The following NSMCE1 variants were observed in gnomAD, a reference collection of about 807,000 sequenced individuals.
NSMCE1 encodes NSE1 component of SMC5/6 complex.
A neutral mutation model predicts 29.6 loss-of-function variants in NSMCE1; 18 were observed. The observed-to-expected ratio is 0.61, with a 90% CI of 0.42 to 0.90. The LOEUF (loss-of-function observed/expected upper bound fraction) is 0.90, where lower values mean the gene tolerates loss of function less well. Among genes scored for constraint, NSMCE1 ranks in the 40% least tolerant of loss-of-function variants. The probability of loss-of-function intolerance (pLI) is 0.00; values close to 1 mark genes in which losing one functional copy is unlikely to be tolerated. For synonymous variants in NSMCE1, 124 were observed against 133.4 expected (o/e 0.93, Z 0.49); for missense variants, 314 against 343.6 (o/e 0.91, Z 0.68).
chr16:27,235,152 A>T (rs1224943955), intron 3 of NSMCE1, 26 bp downstream of exon 3: 2 of 1,609,264 alleles, frequency 1.2e-6, no homozygotes, highest in Non-Finnish European at 1.7e-6. Context: ...CAAAAATGCC[A>T]CTAGAGGGCT....
intron 2 of NSMCE1, among the ~76,000 whole-genome samples, chr16:27,250,223 C>T (rs2084008463): frequency 6.6e-6 from 1 of 152,124 alleles, no homozygotes; most frequent in Admixed American, 6.6e-5. Flanking sequence ...TTTACTGTGT[C>T]GTCCTTTCTA....
intron 1 of NSMCE1, 97 bp downstream of exon 1, chr16:27,268,609 A>G (rs1034812087): frequency 2.0e-5 from 3 of 152,160 alleles, no homozygotes; most frequent in African/African-American, 7.3e-5. Flanking sequence ...GCCGGACCCC[A>G]CTGCCTGTCT....
chr16:27,265,353 G>T (rs1027537172), intron 1 of NSMCE1, among the ~76,000 whole-genome samples: 8 of 151,700 alleles, frequency 5.3e-5, no homozygotes, highest in Admixed American at 2.6e-4. Context: ...ATTTTTTGTA[G>T]AGATGGGGTC....
intron 2 of NSMCE1, among the ~76,000 whole-genome samples, chr16:27,252,037 G>A (rs1489239628): frequency 1.3e-5 from 2 of 152,186 alleles, no homozygotes; most frequent in Admixed American, 1.3e-4. Context: ...GCACTGAGCT[G>A]GGGCAGCTGT....
intron 1 of NSMCE1, among the ~76,000 whole-genome samples, chr16:27,268,000 C>T (rs1365051893): frequency 6.6e-6 from 1 of 152,134 alleles, no homozygotes; most frequent in Non-Finnish European, 1.5e-5. Context: ...CCCTCAGCTT[C>T]CCAAAGTGCT....
At chr16:27,263,927 G>A (rs11646066) in intron 1 of NSMCE1, among the ~76,000 whole-genome samples, 13,766 of 152,186 alleles carry the variant, frequency 0.09, 1,452 homozygotes, top group African/African-American at 0.26. Flanking sequence ...ATTACAGTCA[G>A]CATCCCAAGA....
chr16:27,231,434 C>G (rs967691533), intron 5 of NSMCE1, among the ~76,000 whole-genome samples: 1 of 152,110 alleles, frequency 6.6e-6, no homozygotes, highest in African/African-American at 2.4e-5. Context: ...GTCAGGAGTT[C>G]GAGACCAGCC....
intron 1 of NSMCE1, among the ~76,000 whole-genome samples, chr16:27,265,925 CT>C (rs2084219644): frequency 1.3e-5 from 2 of 152,152 alleles, no homozygotes; most frequent in Admixed American, 1.3e-4. Context: ...CGGTGGTTAT[CT>C]TTGAGGAGGG....
chr16:27,247,091 T>C (rs1353930543), intron 2 of NSMCE1, among the ~76,000 whole-genome samples: 1 of 152,140 alleles, frequency 6.6e-6, no homozygotes, highest in Non-Finnish European at 1.5e-5. Context: ...AAATACATAT[T>C]GGATTGCAAA....
chr16:27,256,421 A>T (rs2084087299), intron 2 of NSMCE1, among the ~76,000 whole-genome samples: 2 of 152,158 alleles, frequency 1.3e-5, no homozygotes, highest in South Asian at 4.1e-4. Context: ...TTCTCCTCAC[A>T]AGCACCTCAC....
rs765413529 is a variant in NSMCE1 at position 27,226,761 on chromosome 16, C to A, written c.559G>T (p.Ala187Ser). The change falls in exon 6 of 8, where the codon GCG becomes TCG. Residue 187 changes from alanine (A) to serine (S), a missense_variant. Coordinates refer to ENST00000361439, the MANE Select transcript of NSMCE1 (RefSeq NM_145080.4). ...EQYIRETYPD[A>S]VKICNICHSL... The stretch of plus-strand genomic sequence containing the variant: ...TGACAGATATTGCAGATCTTCACCG[C>A]GTCGGGGTACGTCTCCCGGATGTAT... 1.2e-6 allele frequency: 2 copies of A among 1,613,922 alleles called. No homozygotes were observed. Among genetic ancestry groups the A allele is most frequent in the African/African-American group, 2.7e-5 (2 of 75,064 alleles).
intron 2 of NSMCE1, among the ~76,000 whole-genome samples, chr16:27,238,218 C>T (rs1363225444): frequency 6.6e-6 from 1 of 152,130 alleles, no homozygotes; most frequent in African/African-American, 2.4e-5. Context: ...CTGCGTGAGC[C>T]TCTCCCCCAC....
At chr16:27,248,940 C>G (rs927221201) in intron 2 of NSMCE1, among the ~76,000 whole-genome samples, 14 of 151,932 alleles carry the variant, frequency 9.2e-5, no homozygotes, top group African/African-American at 3.4e-4. Flanking sequence ...GCAACCCTCC[C>G]ACATCAGCCT....
At position 27,232,918 on chromosome 16, in the gene NSMCE1, G is replaced by A; in HGVS notation, c.483+83C>T. ...AGAAGGCCGGGCTCCTCAGACATCA[G>A]TTGGCTACAAGTACGATTTTGGAGA... On this transcript the variant is annotated intron_variant, in intron 5 of 7. Coordinates refer to ENST00000361439, the MANE Select transcript of NSMCE1 (RefSeq NM_145080.4). The surrounding 1 kb of genome is among the most constrained non-coding windows in gnomAD (Gnocchi z 4.5). 6.9e-7 allele frequency: 1 copy of A among 1,453,250 alleles called. No homozygotes were observed. Among genetic ancestry groups the A allele is most frequent in the Middle Eastern group, 1.8e-4 (1 of 5,630 alleles). 90.0% of individuals were successfully genotyped at this position (1,453,250 alleles called of 1,614,324 possible).
intron 1 of NSMCE1, among the ~76,000 whole-genome samples, chr16:27,266,164 GGAGTTTAAGA>G (rs1402429696): frequency 2.6e-5 from 4 of 152,084 alleles, no homozygotes; most frequent in Admixed American, 6.6e-5. Flanking sequence ...CTTGAGGCCA[GGAGTTTAAGA>G]CCAGCCTGGG....
At chr16:27,249,701 G>C (rs773540100) in intron 2 of NSMCE1, among the ~76,000 whole-genome samples, 1 of 152,128 alleles carries the variant, frequency 6.6e-6, no homozygotes, top group Non-Finnish European at 1.5e-5. Context: ...AATCAGGCAG[G>C]GTTCCTCAAG....
At chr16:27,252,645 G>A (rs142540551) in intron 2 of NSMCE1, among the ~76,000 whole-genome samples, 194 of 152,306 alleles carry the variant, frequency 1.3e-3, no homozygotes, top group African/African-American at 4.5e-3. Context: ...TTAGCCGGGC[G>A]CGGTGGCTCA....
chr16:27,263,293 T>G (rs1264085727), intron 1 of NSMCE1, among the ~76,000 whole-genome samples: 1 of 152,120 alleles, frequency 6.6e-6, no homozygotes, highest in East Asian at 1.9e-4. Context: ...GGAATCAACC[T>G]AAATGCCCAT....
chr16:27,260,184 TACC>T (rs1567284813), intron 1 of NSMCE1, among the ~76,000 whole-genome samples: 1 of 152,178 alleles, frequency 6.6e-6, no homozygotes, highest in Non-Finnish European at 1.5e-5. Flanking sequence ...AAGTTTTTAA[TACC>T]ACAGTAAAAA....
Sources: allele counts gnomAD v4.1 joint callset (sites outside exome capture counted in the v4.1 genomes callset), GRCh38; gene constraint gnomAD v4.1.1; non-coding constraint Gnocchi (gnomAD v3.1); transcripts MANE v1.5; gene names NCBI Gene and HGNC (gene_info 2026-07-23, HGNC 2026-07-21).